WWOX: variants seen among roughly 807,000 people sequenced by gnomAD.
The protein encoded by WWOX is WW domain containing oxidoreductase.
A neutral mutation model predicts 46.2 loss-of-function variants in WWOX; 69 were observed. That is an observed-to-expected ratio of 1.49 (90% confidence interval 1.23 to 1.82). The LOEUF (loss-of-function observed/expected upper bound fraction) is 1.82. WWOX is among the 40% of genes most tolerant of loss of function. The pLI, the probability that WWOX is intolerant of heterozygous loss-of-function variation, is 0.00. For synonymous variants in WWOX, 359 were observed against 202.6 expected (o/e 1.77, Z -6.56); for missense variants, 919 against 542.6 (o/e 1.69, Z -6.89).
intron 5 of WWOX, among the ~76,000 whole-genome samples, chr16:78,372,548 C>G (rs1280820662): frequency 6.6e-6 from 1 of 152,162 alleles, no homozygotes; most frequent in Non-Finnish European, 1.5e-5. Flanking sequence ...AATCTGCTCT[C>G]TGGAGGGAAG....
chr16:78,500,361 C>T (rs957058708), intron 8 of WWOX, among the ~76,000 whole-genome samples: 1 of 152,152 alleles, frequency 6.6e-6, no homozygotes, highest in African/African-American at 2.4e-5. Flanking sequence ...GCACAAAATA[C>T]AGCCAACATT....
At chr16:78,632,402 T>A (rs956378489) in intron 8 of WWOX, among the ~76,000 whole-genome samples, 7 of 152,000 alleles carry the variant, frequency 4.6e-5, no homozygotes, top group African/African-American at 1.7e-4. Flanking sequence ...ATTTGAGTCC[T>A]TTCTTTTGGG....
intron 5 of WWOX, among the ~76,000 whole-genome samples, chr16:78,297,715 G>A (rs1266959892): frequency 1.3e-5 from 2 of 152,108 alleles, no homozygotes; most frequent in Non-Finnish European, 2.9e-5. Flanking sequence ...CGAACTGGGA[G>A]CCTATGGAGA....
intron 5 of WWOX, among the ~76,000 whole-genome samples, chr16:78,312,061 C>T (rs1185756606): frequency 6.6e-6 from 1 of 152,102 alleles, no homozygotes; most frequent in Non-Finnish European, 1.5e-5. Context: ...ATTGGGCTGA[C>T]TCCTTCAATG....
chr16:78,455,670 A>G lies in WWOX; in HGVS notation c.1056+22918A>G, dbSNP rs1238009155. On this transcript the variant is annotated intron_variant, in intron 8 of 8. Transcript: ENST00000566780. ...AAAAAAAAAAAAAAAAAAAAAAAAA[A>G]TCAAAATTGATGCAAAAAATATGAT... Among the ~76,000 whole-genome samples the G allele has an allele frequency of 3.1e-4, 39 of 126,072 alleles. 1 individual carries two copies. In the East Asian group the frequency reaches 9.1e-3, roughly 29 times the overall value. The allele number at this position is 126,072 out of a possible 152,430, so 82.7% of individuals were successfully genotyped here.
At chr16:79,151,945 C>A (rs756092479) in intron 8 of WWOX, among the ~76,000 whole-genome samples, 6 of 152,134 alleles carry the variant, frequency 3.9e-5, no homozygotes, top group African/African-American at 9.7e-5. Flanking sequence ...CCGAGGATAT[C>A]TGGGCTCTGA....
intron 8 of WWOX, among the ~76,000 whole-genome samples, chr16:79,046,491 T>A (rs938370811): frequency 6.6e-6 from 1 of 152,232 alleles, no homozygotes; most frequent in Non-Finnish European, 1.5e-5. Context: ...GAAGGTTCAC[T>A]GTCTGGTGAA....
chr16:78,517,156 G>A (rs1030854893), intron 8 of WWOX, among the ~76,000 whole-genome samples: 1 of 152,140 alleles, frequency 6.6e-6, no homozygotes, highest in African/African-American at 2.4e-5. Flanking sequence ...AAATCTTACA[G>A]TGCATTTTAT....
intron 8 of WWOX, among the ~76,000 whole-genome samples, chr16:78,690,751 C>G (rs1442770597): frequency 1.3e-5 from 2 of 152,114 alleles, no homozygotes; most frequent in Non-Finnish European, 2.9e-5. Context: ...ACCATTAAGT[C>G]CCTGAATTAT....
chr16:79,144,842 CAATTTATTGTTAT>C (rs1189813896), intron 8 of WWOX, among the ~76,000 whole-genome samples: 1 of 152,118 alleles, frequency 6.6e-6, no homozygotes, highest in Non-Finnish European at 1.5e-5. Flanking sequence ...ACTTTTATTA[CAATTTATTGTTAT>C]AATTGTTCTA....
At chr16:79,098,662 A>G (rs1193612363) in intron 8 of WWOX, among the ~76,000 whole-genome samples, 1 of 152,228 alleles carries the variant, frequency 6.6e-6, no homozygotes, top group Non-Finnish European at 1.5e-5. Flanking sequence ...TAAAATGTGC[A>G]GGGTGTAGAA....
intron 8 of WWOX, among the ~76,000 whole-genome samples, chr16:78,789,773 A>G (rs994724480): frequency 1.7e-4 from 26 of 152,306 alleles, no homozygotes; most frequent in Middle Eastern, 3.4e-3. Context: ...ACACCATGAC[A>G]TACAACTTGC....
chr16:78,735,512 C>A (rs528613037), intron 8 of WWOX, among the ~76,000 whole-genome samples: 1 of 152,066 alleles, frequency 6.6e-6, no homozygotes, highest in Non-Finnish European at 1.5e-5. Flanking sequence ...GGACTTATGC[C>A]GATGTTAACT....
chr16:78,550,862 T>C (rs1467024568), intron 8 of WWOX: 1 of 151,832 alleles, frequency 6.6e-6, no homozygotes, highest in African/African-American at 2.4e-5. Context: ...TTTTTAAGGA[T>C]TAAGAAAAAA....
rs111384880 is a variant in WWOX at position 78,880,066 on chromosome 16, G to A, written c.1057-331542G>A. On this transcript the variant is annotated intron_variant, in intron 8 of 8. Coordinates refer to ENST00000566780, the MANE Select transcript of WWOX (RefSeq NM_016373.4). The stretch of plus-strand genomic sequence containing the variant: ...AAGAGTGAAAACAGAGACATGATAC[G>A]AGTTGATGATACCGTATGCAACTTG... Among the ~76,000 whole-genome samples the A allele has an allele frequency of 5.7e-3, 875 of 152,280 alleles. 7 individuals carry two copies. Among genetic ancestry groups the A allele is most frequent in the African/African-American group, 0.02 (836 of 41,560 alleles).
intron 8 of WWOX, among the ~76,000 whole-genome samples, chr16:78,626,234 G>A (rs2046308730): frequency 6.6e-6 from 1 of 151,900 alleles, no homozygotes; most frequent in Admixed American, 6.6e-5. Context: ...AGGTTTAAGT[G>A]ATTCTCCTGC....
At chr16:78,468,435 G>C (rs977518724) in intron 8 of WWOX, among the ~76,000 whole-genome samples, 1 of 152,144 alleles carries the variant, frequency 6.6e-6, no homozygotes, top group Middle Eastern at 3.4e-3. Context: ...CCACCTATCA[G>C]AGTTCACACT....
intron 8 of WWOX, among the ~76,000 whole-genome samples, chr16:78,955,955 T>G (rs1363955707): frequency 6.6e-6 from 1 of 151,874 alleles, no homozygotes; most frequent in Admixed American, 6.6e-5. Flanking sequence ...GCCTCTGGCC[T>G]TCTTTTCACT....
chr16:78,972,272 A>G (rs2046486217), intron 8 of WWOX, among the ~76,000 whole-genome samples: 1 of 152,152 alleles, frequency 6.6e-6, no homozygotes. Flanking sequence ...GTAACATTGA[A>G]TACTTAAGAC....
Sources: gnomAD v4.1 joint callset for allele counts (sites outside exome capture counted in the v4.1 genomes callset) on GRCh38, gnomAD v4.1.1 for gene constraint, MANE v1.5 for transcripts, NCBI Gene and HGNC (gene_info 2026-07-23, HGNC 2026-07-21) for gene names.